The following TMEM170A variants were observed in gnomAD, a reference collection of about 807,000 sequenced individuals.
The protein encoded by TMEM170A is transmembrane protein 170A, also known as transmembrane protein 170.
A neutral mutation model predicts 12.8 loss-of-function variants in TMEM170A; 18 were observed. That is an observed-to-expected ratio of 1.41 (90% confidence interval 0.97 to 2.09). The LOEUF is 2.09. Ranked by LOEUF, TMEM170A falls within the 30% of genes most tolerant of loss-of-function variation. The probability of loss-of-function intolerance (pLI) is 0.00; values close to 1 mark genes in which losing one functional copy is unlikely to be tolerated. For synonymous variants in TMEM170A, 107 were observed against 76.2 expected, an observed-to-expected ratio of 1.40 and a Z score of -2.11; for missense variants, 220 against 179.9, an observed-to-expected ratio of 1.22 and a Z score of -1.28.
chr16:75,454,157 G>A (rs989300714), intron 1 of TMEM170A, among the ~76,000 whole-genome samples: 1 of 133,842 alleles, frequency 7.5e-6, no homozygotes, highest in Admixed American at 7.3e-5. Context: ...TTTTCATTGT[G>A]GGGGCTGCAC....
In TMEM170A at chr16:75,446,841, A is replaced by T. The variant is rs906447292; in HGVS notation, c.*717T>A. 6.6e-6 allele frequency: 1 copy of T among 152,188 alleles called. No homozygotes were observed. The highest frequency in any genetic ancestry group is 2.1e-4 in the South Asian group (1 of 4,828). The allele number at this position is 152,188 out of a possible 1,614,324, so 9.4% of individuals were successfully genotyped here. On this transcript the variant is annotated 3_prime_UTR_variant, in exon 3 of 3. Transcript: ENST00000561878. ...AGGGAAAGGTGGTACAGAAAATCTA[A>T]AAAGTCTAAATTAGCTAGCTTATTT... is the stretch of plus-strand genomic sequence containing the variant.
At chr16:75,453,255 G>A (rs114200598) in intron 1 of TMEM170A, among the ~76,000 whole-genome samples, 2,478 of 152,262 alleles carry the variant, frequency 0.016, 66 homozygotes, top group African/African-American at 0.056. Flanking sequence ...GCAATACAGC[G>A]AAACCCTGTC....
chr16:75,451,452 T>C (rs1217729744), intron 2 of TMEM170A: 2 of 605,660 alleles, frequency 3.3e-6, no homozygotes, highest in East Asian at 2.7e-5. Context: ...GGGAGGCTGA[T>C]GGAGGAGGAT....
chr16:75,448,862 G>C lies in TMEM170A; in HGVS notation c.305-1174C>G, dbSNP rs145953740. Among the ~76,000 whole-genome samples, 394 of 151,928 alleles carry C rather than the reference G, an allele frequency of 2.6e-3. 2 individuals carry two copies. Among genetic ancestry groups the C allele is most frequent in the Non-Finnish European group, 4.6e-3 (315 of 67,984 alleles). On this transcript the variant is annotated intron_variant, in intron 2 of 2. Transcript: ENST00000561878. Reference sequence around the variant, plus strand: ...GGATCGCTTGAGCCCAGGAGTTTGAGACCATCCTGGGTAACATGACCAAAC... The same window carrying C: ...GGATCGCTTGAGCCCAGGAGTTTGACACCATCCTGGGTAACATGACCAAAC...
At chr16:75,461,911 T>A (rs1435840870) in intron 1 of TMEM170A, among the ~76,000 whole-genome samples, 2 of 152,220 alleles carry the variant, frequency 1.3e-5, no homozygotes, top group African/African-American at 4.8e-5. Context: ...GGCTACAGAT[T>A]ACCTACTGTG....
chr16:75,456,220 C>G (rs970273134), intron 1 of TMEM170A, among the ~76,000 whole-genome samples: 3 of 151,858 alleles, frequency 2.0e-5, no homozygotes, highest in Non-Finnish European at 4.4e-5. Flanking sequence ...TGAGAGTGCT[C>G]AGGTCTTGTT....
Position 75,447,257 on chromosome 16 carries a change from C to T in TMEM170A, c.*301G>A. 5.0e-6 allele frequency: 1 copy of T among 201,002 alleles called. No individual in the cohort carries two copies. The highest frequency in any genetic ancestry group is 9.9e-6 in the Non-Finnish European group (1 of 100,818). 12.5% of individuals were successfully genotyped at this position (201,002 alleles called of 1,614,324 possible). A position where few individuals can be genotyped will look rare whatever the true frequency, so the allele number is the denominator to read the frequency against. ...ACTGTAAATTTCAGTGCAAAGGATG[C>T]CACCCCAGAGACACTGTTGACTTGG... On this transcript the variant is annotated 3_prime_UTR_variant, in exon 3 of 3. Transcript: ENST00000561878.
chr16:75,464,695 C>G, upstream of TMEM170A: 1 of 1,460,894 alleles, frequency 6.8e-7, no homozygotes, highest in African/African-American at 1.5e-5. Context: ...GCGTCACCTC[C>G]AGCCGGGGTC....
intron 2 of TMEM170A, among the ~76,000 whole-genome samples, chr16:75,448,852 A>T (rs374453460): frequency 6.6e-6 from 1 of 152,066 alleles, no homozygotes; most frequent in African/African-American, 2.4e-5. Flanking sequence ...GCTTGAGCCC[A>T]GGAGTTTGAG....
At chr16:75,449,297 C>G (rs1192151859) in intron 2 of TMEM170A, among the ~76,000 whole-genome samples, 2 of 150,956 alleles carry the variant, frequency 1.3e-5, no homozygotes, top group African/African-American at 4.9e-5. Flanking sequence ...TGCAATAATG[C>G]AAAATAACAT....
Position 75,444,306 on chromosome 16 carries a change from A to T in TMEM170A, c.*3252T>A, listed in dbSNP as rs1486934682. 1 of 152,132 alleles carries T rather than the reference A, an allele frequency of 6.6e-6. No individual in the cohort carries two copies. Among genetic ancestry groups the T allele is most frequent in the Admixed American group, 6.6e-5 (1 of 15,234 alleles). The allele number at this position is 152,132 out of a possible 1,614,324, so 9.4% of individuals were successfully genotyped here. A position where few individuals can be genotyped will look rare whatever the true frequency, so the allele number is the denominator to read the frequency against. ...CCCGTCTCTACTAAAAATACAAAAA[A>T]TTAGCTGGGCATGGTGGTGGACGTC... On this transcript the variant is annotated 3_prime_UTR_variant, in exon 3 of 3. Coordinates refer to ENST00000561878, the MANE Select transcript of TMEM170A (RefSeq NM_145254.3).
rs1366057356 is a variant in TMEM170A, at chr16:75,447,556, T to C, written c.*2A>G. ...TTCAACATCTCAGCATAAGGATGTA[T>C]GCTATAGAGTAGCTAAAATCCGTAA... On this transcript the variant is annotated 3_prime_UTR_variant, in exon 3 of 3. Coordinates refer to ENST00000561878, the MANE Select transcript of TMEM170A (RefSeq NM_145254.3). The C allele has an allele frequency of 1.2e-6, 2 of 1,611,796 alleles. No individual in the cohort carries two copies. The highest frequency in any genetic ancestry group is 2.2e-5 in the South Asian group (2 of 90,756).
intron 1 of TMEM170A, among the ~76,000 whole-genome samples, chr16:75,463,832 G>T (rs896869316): frequency 6.6e-6 from 1 of 152,248 alleles, no homozygotes; most frequent in Admixed American, 6.5e-5. Flanking sequence ...AGCCGCAGCG[G>T]GGAGGAAGAG....
chr16:75,449,503 G>A (rs989462379), intron 2 of TMEM170A, among the ~76,000 whole-genome samples: 1 of 151,980 alleles, frequency 6.6e-6, no homozygotes. Context: ...ATTTTTTGTA[G>A]AGACAGGGTC....
At chr16:75,464,227 C>A (rs774009576) in intron 1 of TMEM170A, 47 of 1,503,352 alleles carry the variant, frequency 3.1e-5, no homozygotes, top group Non-Finnish European at 8.8e-6. Context: ...CAGCCCCGGG[C>A]CCACCTGCGG....
chr16:75,464,545 A>G lies in TMEM170A; in HGVS notation c.56T>C (p.Ile19Thr), dbSNP rs147975195. 581 of 1,588,746 alleles carry G rather than the reference A, an allele frequency of 3.7e-4. 2 individuals are homozygous for G. In the African/African-American group the frequency reaches 7.4e-3, roughly 20 times the overall value. The part of the protein sequence containing the change: ...SGGSAGLLQQ[I>T]LSLKVVPRVG... ...CCGCGGCACAACCTTCAGGCTCAGG[A>G]TCTGCTGCAGGAGCCCGGCCGACCC... Residue 19 changes from isoleucine to threonine, a missense_variant, in exon 1 of 3, where the codon ATC (isoleucine) becomes ACC (threonine). Ile to Thr is a moderately conservative substitution (Grantham distance 89, BLOSUM62 -1). Transcript: ENST00000561878.
intron 2 of TMEM170A, among the ~76,000 whole-genome samples, chr16:75,449,315 C>G (rs1458890032): frequency 2.0e-5 from 3 of 147,980 alleles, no homozygotes; most frequent in Non-Finnish European, 4.4e-5. Context: ...CATACAGTGT[C>G]TCAATCACGT....
In TMEM170A at chr16:75,444,780, G is replaced by A. The variant is rs1460740363; in HGVS notation, c.*2778C>T. The A allele has an allele frequency of 1.3e-5, 2 of 152,082 alleles. No homozygotes were observed. The highest frequency in any genetic ancestry group is 2.9e-5 in the Non-Finnish European group (2 of 68,034). 9.4% of individuals were successfully genotyped at this position (152,082 alleles called of 1,614,324 possible). ...GGATGGATGAAACACTCAGTAATTT[G>A]AAGATACCTTTTATACGTTTAGTTT... On this transcript the variant is annotated 3_prime_UTR_variant, in exon 3 of 3. Transcript: ENST00000561878.
In TMEM170A at chr16:75,443,693, G is replaced by C. The variant is rs2079535939; in HGVS notation, c.*3865C>G. ...CATTTCATAAGAAGTAATATTTTGTGGTCACAAAAAAAGCACAGATACCTC... is the reference window on the plus strand; with the variant it reads ...CATTTCATAAGAAGTAATATTTTGTCGTCACAAAAAAAGCACAGATACCTC... On this transcript the variant is annotated 3_prime_UTR_variant, in exon 3 of 3. Coordinates refer to ENST00000561878, the MANE Select transcript of TMEM170A (RefSeq NM_145254.3). The C allele has an allele frequency of 6.6e-6, 1 of 152,026 alleles. No homozygotes were observed. The highest frequency in any genetic ancestry group is 1.9e-4 in the East Asian group (1 of 5,198). 9.4% of individuals were successfully genotyped at this position (152,026 alleles called of 1,614,324 possible).
Sources: allele counts gnomAD v4.1 joint callset (sites outside exome capture counted in the v4.1 genomes callset), GRCh38; gene constraint gnomAD v4.1.1; transcripts MANE v1.5; gene names NCBI Gene and HGNC (gene_info 2026-07-23, HGNC 2026-07-21).